DLG2: variants seen among roughly 807,000 people sequenced by gnomAD.
The protein encoded by DLG2 is discs large MAGUK scaffold protein 2, also known as disks large homolog 2.
A neutral mutation model predicts 132.5 loss-of-function variants in DLG2; 45 were observed. The ratio of observed to expected loss-of-function variants is 0.34; its 90% CI spans 0.27 to 0.44. The LOEUF (loss-of-function observed/expected upper bound fraction) is 0.44. Among genes scored for constraint, DLG2 ranks in the 20% least tolerant of loss-of-function variants. The pLI is 1.00. For missense variants in DLG2, 1,045 were observed against 1,196.9 expected (o/e 0.87, Z 1.87); for synonymous variants, 424 against 419.6 (o/e 1.01, Z -0.13).
At chr11:84,467,123 G>A (rs553201429) in intron 7 of DLG2, among the ~76,000 whole-genome samples, 89 of 151,352 alleles carry the variant, frequency 5.9e-4, no homozygotes, top group Non-Finnish European at 1.0e-3. Flanking sequence ...AAGGAGCTAG[G>A]ACATCTTGTG....
At chr11:84,695,890 A>C (rs560096255) in intron 6 of DLG2, among the ~76,000 whole-genome samples, 22 of 151,572 alleles carry the variant, frequency 1.5e-4, no homozygotes, top group Admixed American at 1.4e-3. Flanking sequence ...GGTACTGTTT[A>C]CTGAAATGTA....
At chr11:83,462,150 A>T (rs1359537357) in intron 26 of DLG2, 57 bp from the exon 27 acceptor site, 2 of 1,116,628 alleles carry the variant, frequency 1.8e-6, no homozygotes, top group Non-Finnish European at 2.7e-6. Context: ...ATCCTAAAAA[A>T]TTAAAATGTA....
intron 6 of DLG2, among the ~76,000 whole-genome samples, chr11:84,692,951 T>C (rs1041924365): frequency 6.6e-6 from 1 of 151,858 alleles, no homozygotes; most frequent in Non-Finnish European, 1.5e-5. Context: ...AGCGAAGTTA[T>C]ATAACTTGCT....
chr11:84,978,226 C>A (rs2055197959), intron 6 of DLG2, among the ~76,000 whole-genome samples: 1 of 152,118 alleles, frequency 6.6e-6, no homozygotes, highest in Non-Finnish European at 1.5e-5. Flanking sequence ...GTCAAAGAAA[C>A]ACTGAAGGAG....
chr11:83,740,274 C>T (rs535685875), intron 18 of DLG2, among the ~76,000 whole-genome samples: 1 of 152,094 alleles, frequency 6.6e-6, no homozygotes, highest in South Asian at 2.1e-4. Context: ...AACAATAGAA[C>T]GGATATGTGA....
chr11:84,847,118 A>G (rs1451902542), intron 6 of DLG2, among the ~76,000 whole-genome samples: 1 of 152,192 alleles, frequency 6.6e-6, no homozygotes, highest in Non-Finnish European at 1.5e-5. Flanking sequence ...CCACATAGCA[A>G]TGAATAATCA....
intron 6 of DLG2, among the ~76,000 whole-genome samples, chr11:85,008,287 G>A (rs528429613): frequency 8.1e-4 from 123 of 152,052 alleles, no homozygotes; most frequent in Non-Finnish European, 1.3e-3. Context: ...ATAAAAATAT[G>A]ATATAATAAA....
Position 83,962,882 on chromosome 11 carries a change from G to T in DLG2, c.1340+3C>A. The T allele has an allele frequency of 6.2e-7, 1 of 1,612,570 alleles. No homozygotes were observed. The highest frequency in any genetic ancestry group is 8.5e-7 in the Non-Finnish European group (1 of 1,178,864). On this transcript the variant is annotated splice_donor_region_variant and intron_variant, in intron 14 of 27. Coordinates refer to ENST00000376104, the MANE Select transcript of DLG2 (RefSeq NM_001142699.3). Reference sequence around the variant, plus strand: ...ATCCAATTAACTAACAGGCATATCTGACCTGGTGTAGTCGTCGTCAACAAG... The same window carrying T: ...ATCCAATTAACTAACAGGCATATCTTACCTGGTGTAGTCGTCGTCAACAAG...
chr11:83,939,665 T>G (rs2082223412), intron 14 of DLG2, among the ~76,000 whole-genome samples: 1 of 152,156 alleles, frequency 6.6e-6, no homozygotes, highest in South Asian at 2.1e-4. Flanking sequence ...ACACCTAAAG[T>G]TGCCAAATCT....
chr11:84,705,018 C>T (rs1246079557), intron 6 of DLG2, among the ~76,000 whole-genome samples: 5 of 151,376 alleles, frequency 3.3e-5, no homozygotes, highest in East Asian at 1.9e-4. Context: ...TTTGAGGTGG[C>T]TTGCTAGTTA....
intron 6 of DLG2, among the ~76,000 whole-genome samples, chr11:84,711,960 C>T (rs1215060107): frequency 3.9e-5 from 6 of 152,002 alleles, no homozygotes; most frequent in Non-Finnish European, 7.4e-5. Context: ...ATGGCTCCTG[C>T]CCCTAAAATC....
At chr11:84,454,306 G>C (rs2099059521) in intron 7 of DLG2, among the ~76,000 whole-genome samples, 1 of 151,478 alleles carries the variant, frequency 6.6e-6, no homozygotes, top group South Asian at 2.1e-4. Flanking sequence ...AGAAGAAATA[G>C]ATATATTCTT....
chr11:83,696,030 G>A (rs1202780129), intron 18 of DLG2, among the ~76,000 whole-genome samples: 1 of 152,182 alleles, frequency 6.6e-6, no homozygotes, highest in Non-Finnish European at 1.5e-5. Context: ...TAGGCCATGG[G>A]AGCCTCTGTA....
intron 8 of DLG2, among the ~76,000 whole-genome samples, chr11:84,165,778 G>A (rs2095648126): frequency 6.6e-6 from 1 of 151,972 alleles, no homozygotes; most frequent in Admixed American, 6.6e-5. Context: ...GGTGCCTGTA[G>A]TCCCAGCTAC....
chr11:85,176,280 A>T (rs2152502797), intron 4 of DLG2, among the ~76,000 whole-genome samples: 1 of 152,300 alleles, frequency 6.6e-6, no homozygotes, highest in Middle Eastern at 3.4e-3. Flanking sequence ...AGAGCAATGG[A>T]ACAGAATAGA....
chr11:84,592,428 C>T (rs1398149755), intron 6 of DLG2, among the ~76,000 whole-genome samples: 10 of 152,228 alleles, frequency 6.6e-5, no homozygotes, highest in Non-Finnish European at 8.8e-5. Context: ...ATGACTAAAA[C>T]ACCAAAAGCA....
At chr11:83,784,090 C>T (rs150175682) in intron 18 of DLG2, among the ~76,000 whole-genome samples, 36 of 152,230 alleles carry the variant, frequency 2.4e-4, no homozygotes, top group African/African-American at 7.9e-4. Context: ...AATGTATTCA[C>T]TGAAAGTCTA....
intron 18 of DLG2, among the ~76,000 whole-genome samples, chr11:83,719,915 T>C (rs2087879442): frequency 6.6e-6 from 1 of 152,118 alleles, no homozygotes; most frequent in Non-Finnish European, 1.5e-5. Context: ...ACTGGATAAC[T>C]TCCATCAAGG....
chr11:83,949,638 C>G (rs1349823618), intron 14 of DLG2, among the ~76,000 whole-genome samples: 1 of 152,036 alleles, frequency 6.6e-6, no homozygotes, highest in Admixed American at 6.6e-5. Context: ...TTCTAGGATA[C>G]AATGTAGTAT....
Sources: gnomAD v4.1 joint callset for allele counts (sites outside exome capture counted in the v4.1 genomes callset) on GRCh38, gnomAD v4.1.1 for gene constraint, MANE v1.5 for transcripts, NCBI Gene and HGNC (gene_info 2026-07-23, HGNC 2026-07-21) for gene names.